TMTC1: variants seen among roughly 807,000 people sequenced by gnomAD.
The protein encoded by TMTC1 is protein O-mannosyl-transferase TMTC1.
In TMTC1, 73 loss-of-function variants were observed where a neutral mutation model predicts 104.8. The observed-to-expected ratio is 0.70, with a 90% CI of 0.58 to 0.85. The LOEUF is 0.85. Among genes scored for constraint, TMTC1 ranks in the 40% least tolerant of loss-of-function variants. The probability of loss-of-function intolerance (pLI) is 0.00; values close to 1 mark genes in which losing one functional copy is unlikely to be tolerated. For synonymous variants in TMTC1, 434 were observed against 428.7 expected (o/e 1.01, Z -0.15); for missense variants, 1,035 against 1,096.1 (o/e 0.94, Z 0.79).
intron 7 of TMTC1, among the ~76,000 whole-genome samples, chr12:29,595,844 G>A (rs1253811643): frequency 6.6e-6 from 1 of 152,134 alleles, no homozygotes; most frequent in Non-Finnish European, 1.5e-5. Flanking sequence ...CTGAAGACGT[G>A]GAAAGGAATA....
chr12:29,563,662 T>A (rs1199893246), intron 9 of TMTC1, among the ~76,000 whole-genome samples: 1 of 152,162 alleles, frequency 6.6e-6, no homozygotes, highest in Non-Finnish European at 1.5e-5. Flanking sequence ...TGTTTGTCCT[T>A]ATGGAGTTGT....
Position 29,767,219 on chromosome 12 carries a change from C to T in TMTC1, c.480+679G>A, listed in dbSNP as rs60678284. Among the ~76,000 whole-genome samples, 76 of 152,300 alleles carry T rather than the reference C, an allele frequency of 5.0e-4. 2 individuals carry two copies. The East Asian group carries it at 0.012, about 24-fold the overall frequency. ...CTGCCTGTCTCAGCCTCCCAAAGTG[C>T]TGGGATTACAGGCGTGAGCCACCAC... On this transcript the variant is annotated intron_variant, in intron 2 of 17. Transcript: ENST00000539277.
chr12:29,652,088 G>C (rs187131090), intron 5 of TMTC1, among the ~76,000 whole-genome samples: 1 of 152,298 alleles, frequency 6.6e-6, no homozygotes, highest in Non-Finnish European at 1.5e-5. Flanking sequence ...TAGGGGATAT[G>C]AATGTGAAAG....
chr12:29,755,554 C>G (rs1943194097), intron 4 of TMTC1, among the ~76,000 whole-genome samples, 155 bp downstream of exon 4: 1 of 152,192 alleles, frequency 6.6e-6, no homozygotes, highest in Non-Finnish European at 1.5e-5. Context: ...ATGCGCTTAT[C>G]TTAATGAAAT....
intron 17 of TMTC1, among the ~76,000 whole-genome samples, chr12:29,507,371 T>A (rs1402606632): frequency 6.6e-6 from 1 of 152,128 alleles, no homozygotes; most frequent in Non-Finnish European, 1.5e-5. Flanking sequence ...GATGGGAGAA[T>A]GAGAGATGAG....
At chr12:29,715,177 T>C (rs302376) in intron 5 of TMTC1, among the ~76,000 whole-genome samples, 37,472 of 151,966 alleles carry the variant, frequency 0.25, 5,255 homozygotes, top group Admixed American at 0.32. Flanking sequence ...TTCAACAAAA[T>C]TGAAGCAGAA....
chr12:29,676,214 T>C lies in TMTC1; in HGVS notation c.939-42878A>G, dbSNP rs1342950067. 4.6e-5 allele frequency among the ~76,000 whole-genome samples: 7 copies of C among 152,230 alleles called. No individual in the cohort carries two copies. In the East Asian group the frequency reaches 1.2e-3, roughly 25 times the overall value. On this transcript the variant is annotated intron_variant, in intron 5 of 17. Transcript: ENST00000539277. ...CATACACTGCTACGTGTGTCAGATA[T>C]CCATTTTAATTTTTAAATATTGGTT...
At chr12:29,530,696 G>T (rs1295946542) in intron 11 of TMTC1, among the ~76,000 whole-genome samples, 2 of 152,154 alleles carry the variant, frequency 1.3e-5, no homozygotes, top group Non-Finnish European at 2.9e-5. Context: ...TTCTGCGGGA[G>T]GCTATGCTTC....
chr12:29,574,401 T>C (rs1483758400), intron 8 of TMTC1, among the ~76,000 whole-genome samples: 2 of 152,152 alleles, frequency 1.3e-5, no homozygotes, highest in African/African-American at 2.4e-5. Context: ...ATTCTACAGA[T>C]AAGAAAATGA....
Position 29,516,427 on chromosome 12 carries a change from A to G in TMTC1, c.2229T>C (p.Ile743=). ...CAAGGCATCCGGTCTCCTCTGACAC[A>G]ATGTGATTGGTCATCTTTTCAGCTT... ...TKEAEKMTNH[I]VSEETGCLEC... The change falls in exon 15 of 18, where the codon ATT becomes ATC. Residue 743 remains isoleucine, a synonymous_variant. Transcript: ENST00000539277. 1 of 1,614,030 alleles carries G rather than the reference A, an allele frequency of 6.2e-7. No individual in the cohort carries two copies. The highest frequency in any genetic ancestry group is 1.3e-5 in the African/African-American group (1 of 75,046).
rs188548715 is a variant in TMTC1 at position 29,631,882 on chromosome 12, A to G, written c.1128+1265T>C. 3.3e-5 allele frequency among the ~76,000 whole-genome samples: 5 copies of G among 152,292 alleles called. No individual in the cohort carries two copies. The East Asian group carries it at 9.6e-4, about 29-fold the overall frequency. On this transcript the variant is annotated intron_variant, in intron 6 of 17. Transcript: ENST00000539277. ...GCCAACATGGCTTTGTGATCAGCCAATGATTTGGGCAGAGGTTATACATGG... is the reference window on the plus strand; with the variant it reads ...GCCAACATGGCTTTGTGATCAGCCAGTGATTTGGGCAGAGGTTATACATGG...
chr12:29,617,588 A>T (rs7308526), intron 6 of TMTC1, among the ~76,000 whole-genome samples: 1 of 149,022 alleles, frequency 6.7e-6, no homozygotes, highest in African/African-American at 2.4e-5. Context: ...CTGCCTTTCC[A>T]GAGAGGAAAA....
At chr12:29,642,151 G>C (rs1486540640) in intron 5 of TMTC1, among the ~76,000 whole-genome samples, 86 of 152,278 alleles carry the variant, frequency 5.6e-4, no homozygotes, top group Non-Finnish European at 2.5e-4. Flanking sequence ...GATTCTAAAA[G>C]CTTGGAAAAC....
At chr12:29,678,397 A>C (rs758515938) in intron 5 of TMTC1, among the ~76,000 whole-genome samples, 3 of 152,198 alleles carry the variant, frequency 2.0e-5, no homozygotes, top group Non-Finnish European at 4.4e-5. Context: ...CGTGACAGGC[A>C]ACAATTCCAG....
rs765186130 is a variant in TMTC1, at chr12:29,693,897, G to A, written c.938+57769C>T. ...ATTTAGTTCTCTTGGTATTTGTAGA[G>A]CAGACTGAAATATCTGGTTCATGTA... On this transcript the variant is annotated intron_variant, in intron 5 of 17. Transcript: ENST00000539277. Among the ~76,000 whole-genome samples, 46 of 152,138 alleles carry A rather than the reference G, an allele frequency of 3.0e-4. 1 individual carries two copies. Among genetic ancestry groups the A allele is most frequent in the Non-Finnish European group, 5.6e-4 (38 of 68,016 alleles).
At chr12:29,561,170 G>A (rs1006119555) in intron 9 of TMTC1, among the ~76,000 whole-genome samples, 7 of 148,710 alleles carry the variant, frequency 4.7e-5, no homozygotes, top group Non-Finnish European at 8.9e-5. Context: ...AGGAGACAGT[G>A]AAACCCCATC....
At chr12:29,656,072 G>A (rs1229594015) in intron 5 of TMTC1, among the ~76,000 whole-genome samples, 1 of 152,020 alleles carries the variant, frequency 6.6e-6, no homozygotes, top group African/African-American at 2.4e-5. Context: ...CAGCCAAGTC[G>A]CAGCTAAACT....
intron 8 of TMTC1, among the ~76,000 whole-genome samples, chr12:29,582,080 C>T (rs564718270): frequency 2.0e-4 from 31 of 152,268 alleles, no homozygotes; most frequent in African/African-American, 5.3e-4. Context: ...ATATGTAATA[C>T]GTAATAATAC....
At chr12:29,750,881 T>A (rs1943073781) in intron 5 of TMTC1, among the ~76,000 whole-genome samples, 1 of 152,162 alleles carries the variant, frequency 6.6e-6, no homozygotes, top group Non-Finnish European at 1.5e-5. Flanking sequence ...GGGCTACTAC[T>A]CCCCTTTAAC....
Sources: allele counts gnomAD v4.1 joint callset (sites outside exome capture counted in the v4.1 genomes callset), GRCh38; gene constraint gnomAD v4.1.1; transcripts MANE v1.5; gene names NCBI Gene and HGNC (gene_info 2026-07-23, HGNC 2026-07-21).